Variants in DMD observed in about 807,000 individuals in gnomAD.
The protein encoded by DMD is mutant dystrophin.
DMD carries 63 observed loss-of-function variants against 330.1 expected under a neutral mutation model. The observed-to-expected ratio is 0.19, with a 90% CI of 0.16 to 0.24. The LOEUF (loss-of-function observed/expected upper bound fraction) is 0.24, where lower values mean the gene tolerates loss of function less well. Ranked by LOEUF, DMD falls within the 10% of genes least tolerant of loss-of-function variation. The pLI is 1.00. For synonymous variants in DMD, 1,223 were observed against 959.8 expected, an observed-to-expected ratio of 1.27 and a Z score of -5.07; for missense variants, 3,344 against 2,684.1, an observed-to-expected ratio of 1.25 and a Z score of -5.43.
At chrX:31,698,221 A>T (rs991880031) in intron 52 of DMD, among the ~76,000 whole-genome samples, 1 of 111,854 alleles carries the variant, frequency 8.9e-6, no homozygotes, top group African/African-American at 3.3e-5. Flanking sequence ...CATTTGAGTG[A>T]GTGAAGAGTG....
chrX:32,655,847 GGATA>G (rs2060528136), intron 9 of DMD, among the ~76,000 whole-genome samples: 1 of 111,333 alleles, frequency 9.0e-6, no homozygotes, highest in Non-Finnish European at 1.9e-5. Context: ...TATATATTTA[GGATA>G]GTTAGCTCTT....
chrX:31,184,214 A>T (rs2041494647), intron 67 of DMD, among the ~76,000 whole-genome samples: 1 of 112,411 alleles, frequency 8.9e-6, no homozygotes, highest in Non-Finnish European at 1.9e-5. Context: ...TGGCCCAAGT[A>T]TAAAATTTTT....
At chrX:31,764,679 G>C (rs2089872907) in intron 51 of DMD, among the ~76,000 whole-genome samples, 1 of 111,415 alleles carries the variant, frequency 9.0e-6, no homozygotes, top group Non-Finnish European at 1.9e-5. Context: ...TAATTCTGGA[G>C]TTGAACATAG....
At chrX:32,596,369 C>A (rs808539) in intron 12 of DMD, among the ~76,000 whole-genome samples, 39,235 of 108,035 alleles carry the variant, frequency 0.36, 6,470 homozygotes, top group African/African-American at 0.62. Context: ...TCACTTTGCC[C>A]ACTAACCCAT....
At chrX:31,159,643 C>T (rs921714428) in intron 74 of DMD, among the ~76,000 whole-genome samples, 6 of 111,034 alleles carry the variant, frequency 5.4e-5, no homozygotes, top group African/African-American at 6.6e-5. Flanking sequence ...CTTCCATCTC[C>T]GCCACAACCA....
At chrX:31,226,288 T>C (rs68030488) in intron 63 of DMD, among the ~76,000 whole-genome samples, 15,802 of 111,698 alleles carry the variant, frequency 0.14, 953 homozygotes, top group South Asian at 0.34. Flanking sequence ...AACACCATCC[T>C]GTGTTGTCTT....
chrX:31,788,873 T>A (rs1283673527), intron 50 of DMD, among the ~76,000 whole-genome samples: 1 of 111,145 alleles, frequency 9.0e-6, no homozygotes, highest in Non-Finnish European at 1.9e-5. Flanking sequence ...TTTTGTCTAA[T>A]AGAAGTATGG....
intron 9 of DMD, among the ~76,000 whole-genome samples, chrX:32,662,679 C>A (rs2061023205): frequency 9.0e-6 from 1 of 111,726 alleles, no homozygotes; most frequent in South Asian, 3.7e-4. Context: ...TACAGATTAT[C>A]TGGAGGTGTT....
Position 33,327,825 on chromosome X carries a change from A to C in DMD, c.7+11434T>G, listed in dbSNP as rs1227296028. On this transcript the variant is annotated intron_variant, in intron 1 of 17. Coordinates refer to the DMD transcript ENST00000288447. ...ATTAGAGCTGTTTCACAAGTAGCTT[A>C]ATCTCACTTAGGCTCAGCTTCTAGA... Among the ~76,000 whole-genome samples the C allele has an allele frequency of 5.4e-5, 6 of 111,871 alleles. 1 individual carries two copies. The Admixed American group carries it at 5.7e-4, about 11-fold the overall frequency.
At chrX:31,548,128 G>A (rs1180369615) in intron 55 of DMD, among the ~76,000 whole-genome samples, 3 of 111,835 alleles carry the variant, frequency 2.7e-5, no homozygotes, top group East Asian at 2.8e-4. Flanking sequence ...GAGTATTTTC[G>A]TAGCACCAGG....
chrX:32,931,053 T>A (rs1722967527), intron 2 of DMD, among the ~76,000 whole-genome samples: 1 of 108,381 alleles, frequency 9.2e-6, no homozygotes, highest in African/African-American at 3.3e-5. Context: ...ATATTTCATA[T>A]ATGTTAAATT....
chrX:32,556,321 C>T (rs976714360), intron 16 of DMD, among the ~76,000 whole-genome samples: 1 of 110,717 alleles, frequency 9.0e-6, no homozygotes, highest in Admixed American at 9.6e-5. Context: ...ACAATAGATG[C>T]TGGTGAGGTT....
chrX:31,133,063 T>A (rs2034723708), intron 77 of DMD, among the ~76,000 whole-genome samples: 1 of 111,875 alleles, frequency 8.9e-6, no homozygotes, highest in South Asian at 3.7e-4. Context: ...GCACATCAAA[T>A]AGCTAGGAAA....
chrX:32,178,940 TTCTCTCTCTCTCTCTC>T (rs528690053), intron 44 of DMD, among the ~76,000 whole-genome samples: 109 of 68,619 alleles, frequency 1.6e-3, no homozygotes, highest in Non-Finnish European at 2.2e-3. Context: ...AAACCCCAGA[TTCTCTCTCTCTCTCTC>T]TCTCTCTCTC....
intron 7 of DMD, among the ~76,000 whole-genome samples, chrX:32,725,031 C>T (rs1368072275): frequency 9.0e-6 from 1 of 111,447 alleles, no homozygotes; most frequent in African/African-American, 3.2e-5. Context: ...ACAGATAGTA[C>T]TTAATAAATA....
intron 44 of DMD, among the ~76,000 whole-genome samples, chrX:32,107,048 T>A (rs900265994): frequency 7.2e-5 from 8 of 111,236 alleles, no homozygotes; most frequent in Admixed American, 4.8e-4. Flanking sequence ...CTGGGGACAT[T>A]TGTATGGGGT....
chrX:32,279,467 G>A (rs2097404375), intron 43 of DMD, among the ~76,000 whole-genome samples: 3 of 111,469 alleles, frequency 2.7e-5, no homozygotes, highest in East Asian at 2.8e-4. Flanking sequence ...ACGTAATAGA[G>A]TACTATTCAG....
At chrX:31,246,799 G>A (rs1469572000) in intron 63 of DMD, among the ~76,000 whole-genome samples, 1 of 110,987 alleles carries the variant, frequency 9.0e-6, no homozygotes, top group East Asian at 2.8e-4. Context: ...GGTGGCAGAC[G>A]CCTGTAATCC....
chrX:32,377,496 A>G (rs2097908266), intron 34 of DMD, among the ~76,000 whole-genome samples: 1 of 111,791 alleles, frequency 8.9e-6, no homozygotes, highest in Admixed American at 9.6e-5. Context: ...CCAAAACTCT[A>G]TGTTAGCAAA....
Sources: gnomAD v4.1 joint callset for allele counts (sites outside exome capture counted in the v4.1 genomes callset) on GRCh38, gnomAD v4.1.1 for gene constraint, MANE v1.5 for transcripts, NCBI Gene and HGNC (gene_info 2026-07-23, HGNC 2026-07-21) for gene names.